The following DTNBP1 variants were observed in gnomAD, a reference collection of about 807,000 sequenced individuals.
DTNBP1 encodes dystrobrevin binding protein 1, also known as dysbindin.
DTNBP1 carries 35 observed loss-of-function variants against 42.8 expected under a neutral mutation model. The ratio of observed to expected loss-of-function variants is 0.82; its 90% CI spans 0.63 to 1.09. DTNBP1 has a LOEUF of 1.09. Among genes scored for constraint, DTNBP1 ranks in the 50% least tolerant of loss-of-function variants. The pLI is 0.00. For missense variants in DTNBP1, 457 were observed against 424.2 expected (o/e 1.08, Z -0.68); for synonymous variants, 171 against 162.2 (o/e 1.05, Z -0.41).
In DTNBP1 at chr6:15,522,969, C is replaced by G; in HGVS notation, c.*6G>C. 12 of 1,614,228 alleles carry G rather than the reference C, an allele frequency of 7.4e-6. No homozygotes were observed. The highest frequency in any genetic ancestry group is 9.3e-6 in the Non-Finnish European group (11 of 1,180,030). ...CAGTGTGGCCAGACAACGCCCATGT[C>G]CCAATTTAAGAGTCGCTGTCCTCAC... On this transcript the variant is annotated 3_prime_UTR_variant, in exon 10 of 10. Transcript: ENST00000344537.
At position 15,523,108 on chromosome 6, in the gene DTNBP1, C is replaced by CGGGT. The variant is rs749478430; in HGVS notation, c.919_922dup (p.Arg308HisfsTer6). Reference sequence around the variant, plus strand: ...GGACTCCCCACCCTCACTGATGTCCCGGGTGGCCGAGTCGGTGCAGGTGGA... The same window carrying CGGGT: ...GGACTCCCCACCCTCACTGATGTCCCGGGTGGGTGGCCGAGTCGGTGCAGGTGGA... On this transcript the variant is annotated frameshift_variant, in exon 10 of 10. Coordinates refer to ENST00000344537, the MANE Select transcript of DTNBP1 (RefSeq NM_032122.5). LOFTEE classifies it low-confidence loss of function (END_TRUNC). The CGGGT allele has an allele frequency of 3.1e-6, 5 of 1,614,224 alleles. No individual in the cohort carries two copies. Among genetic ancestry groups the CGGGT allele is most frequent in the Non-Finnish European group, 4.2e-6 (5 of 1,180,042 alleles).
intron 3 of DTNBP1, among the ~76,000 whole-genome samples, chr6:15,638,956 C>T (rs1246453460): frequency 6.6e-6 from 1 of 151,934 alleles, no homozygotes; most frequent in African/African-American, 2.4e-5. Flanking sequence ...CCTCAGCCTC[C>T]CAAAGTGCTG....
chr6:15,643,631 T>C (rs1227909840), intron 3 of DTNBP1, among the ~76,000 whole-genome samples: 1 of 152,168 alleles, frequency 6.6e-6, no homozygotes, highest in African/African-American at 2.4e-5. Flanking sequence ...TGGGGGCCTA[T>C]TTTTAGCCTC....
At chr6:15,612,717 C>A (rs563883143) in intron 6 of DTNBP1, among the ~76,000 whole-genome samples, 76 of 152,294 alleles carry the variant, frequency 5.0e-4, no homozygotes, top group African/African-American at 1.8e-3. Context: ...CACGAGAAAA[C>A]CACCTTCTAG....
At chr6:15,635,086 T>C (rs1223421620) in intron 4 of DTNBP1, among the ~76,000 whole-genome samples, 1 of 152,194 alleles carries the variant, frequency 6.6e-6, no homozygotes, top group Non-Finnish European at 1.5e-5. Flanking sequence ...ATCTTCTCTC[T>C]AGTTAAGATC....
chr6:15,567,534 TC>T (rs1195103605), intron 7 of DTNBP1, among the ~76,000 whole-genome samples: 1 of 152,138 alleles, frequency 6.6e-6, no homozygotes, highest in Admixed American at 6.5e-5. Flanking sequence ...ACCCAGATAC[TC>T]CTTTAGATGA....
At chr6:15,576,095 T>C (rs1285461004) in intron 7 of DTNBP1, among the ~76,000 whole-genome samples, 1 of 151,470 alleles carries the variant, frequency 6.6e-6, no homozygotes, top group Admixed American at 6.6e-5. Context: ...GACAGTTTTA[T>C]GTGTTTATGG....
At chr6:15,537,216 C>A (rs189118662) in intron 7 of DTNBP1, among the ~76,000 whole-genome samples, 1 of 152,192 alleles carries the variant, frequency 6.6e-6, no homozygotes, top group African/African-American at 2.4e-5. Flanking sequence ...GTCAGGAGTT[C>A]AAGACCAGCC....
chr6:15,546,776 G>C (rs535222386), intron 7 of DTNBP1, among the ~76,000 whole-genome samples: 2 of 152,138 alleles, frequency 1.3e-5, no homozygotes, highest in Non-Finnish European at 2.9e-5. Context: ...GTAGGAGATC[G>C]ACAAATACCT....
At chr6:15,624,922 G>A (rs1759254941) in intron 5 of DTNBP1, among the ~76,000 whole-genome samples, 1 of 151,956 alleles carries the variant, frequency 6.6e-6, no homozygotes, top group Admixed American at 6.5e-5. Context: ...TACATTAATG[G>A]TACAGATACA....
At chr6:15,594,891 CACAG>C (rs1394228560) in intron 6 of DTNBP1, among the ~76,000 whole-genome samples, 1 of 152,050 alleles carries the variant, frequency 6.6e-6, no homozygotes, top group East Asian at 1.9e-4. Flanking sequence ...ATAATGATTT[CACAG>C]ACACTGTTAT....
chr6:15,526,182 AAC>A (rs1772372058), intron 8 of DTNBP1, among the ~76,000 whole-genome samples: 1 of 152,222 alleles, frequency 6.6e-6, no homozygotes, highest in African/African-American at 2.4e-5. Context: ...ACCAAGAAGA[AAC>A]ACGTCATTAT....
At chr6:15,635,485 C>A (rs1759955203) in intron 4 of DTNBP1, among the ~76,000 whole-genome samples, 1 of 152,158 alleles carries the variant, frequency 6.6e-6, no homozygotes, top group African/African-American at 2.4e-5. Context: ...GTTGTACTTT[C>A]TGGATCTGAG....
At chr6:15,551,097 T>C (rs1469908281) in intron 7 of DTNBP1, among the ~76,000 whole-genome samples, 1 of 152,176 alleles carries the variant, frequency 6.6e-6, no homozygotes, top group Non-Finnish European at 1.5e-5. Flanking sequence ...CCCTTACTGC[T>C]TCTCTAAGAT....
intron 7 of DTNBP1, among the ~76,000 whole-genome samples, chr6:15,573,139 A>G (rs1039499658): frequency 6.6e-6 from 1 of 152,228 alleles, no homozygotes; most frequent in African/African-American, 2.4e-5. Flanking sequence ...CCTAAATAGT[A>G]GCAAGGCTAT....
intron 4 of DTNBP1, among the ~76,000 whole-genome samples, chr6:15,630,844 G>C (rs1328621830): frequency 6.6e-6 from 1 of 152,164 alleles, no homozygotes; most frequent in Non-Finnish European, 1.5e-5. Context: ...CTTGAACCTG[G>C]GAGGCAGAGG....
At chr6:15,571,780 C>T (rs1775350099) in intron 7 of DTNBP1, among the ~76,000 whole-genome samples, 1 of 152,174 alleles carries the variant, frequency 6.6e-6, no homozygotes, top group South Asian at 2.1e-4. Flanking sequence ...TCTTTACATC[C>T]TGCACTTAGA....
chr6:15,594,163 T>C (rs988308425), intron 6 of DTNBP1, among the ~76,000 whole-genome samples: 1 of 152,174 alleles, frequency 6.6e-6, no homozygotes, highest in African/African-American at 2.4e-5. Flanking sequence ...TCAATCCTAT[T>C]TTTTCAAAAA....
At chr6:15,594,326 G>A (rs1776416913) in intron 6 of DTNBP1, among the ~76,000 whole-genome samples, 1 of 151,974 alleles carries the variant, frequency 6.6e-6, no homozygotes, top group South Asian at 2.1e-4. Context: ...TTAGCCGGGT[G>A]TGGTGGTGGG....
Sources: gnomAD v4.1 joint callset for allele counts (sites outside exome capture counted in the v4.1 genomes callset) on GRCh38, gnomAD v4.1.1 for gene constraint, MANE v1.5 for transcripts, NCBI Gene and HGNC (gene_info 2026-07-23, HGNC 2026-07-21) for gene names.